The following PRTFDC1 variants were observed in gnomAD, a reference collection of about 807,000 sequenced individuals.
The protein encoded by PRTFDC1 is phosphoribosyl transferase domain containing 1, also known as phosphoribosyltransferase domain-containing protein 1.
A neutral mutation model predicts 34.6 loss-of-function variants in PRTFDC1; 38 were observed. The ratio of observed to expected loss-of-function variants is 1.10; its 90% CI spans 0.85 to 1.44. The LOEUF (loss-of-function observed/expected upper bound fraction) is 1.44, where lower values mean the gene tolerates loss of function less well. Ranked by LOEUF, PRTFDC1 falls within the 40% of genes most tolerant of loss-of-function variation. The pLI is 0.00. For synonymous variants in PRTFDC1, 93 were observed against 98.1 expected (o/e 0.95, Z 0.31); for missense variants, 270 against 283.0 (o/e 0.95, Z 0.33).
intron 3 of PRTFDC1, among the ~76,000 whole-genome samples, chr10:24,885,491 C>T (rs1435993908): frequency 4.6e-5 from 7 of 152,188 alleles, no homozygotes; most frequent in Non-Finnish European, 8.8e-5. Flanking sequence ...CAGCAACCTC[C>T]GCCTCCCAGG....
chr10:24,916,772 T>C (rs757766451), intron 3 of PRTFDC1, among the ~76,000 whole-genome samples: 4 of 152,194 alleles, frequency 2.6e-5, no homozygotes, highest in Non-Finnish European at 5.9e-5. Context: ...TTTTGTTTTA[T>C]TTTCAATTTC....
At position 24,851,279 on chromosome 10, in the gene PRTFDC1, A is replaced by G. The variant is rs577791570; in HGVS notation, c.630+109T>C. The G allele has an allele frequency of 2.0e-3, 2,886 of 1,450,648 alleles. 32 individuals carry two copies. The South Asian group carries it at 0.022, about 11-fold the overall frequency. 89.9% of individuals were successfully genotyped at this position (1,450,648 alleles called of 1,614,324 possible). On this transcript the variant is annotated intron_variant, in intron 8 of 8. Transcript: ENST00000320152. ...GCAATGTGCTCACCATACTCCTGAC[A>G]TAGAAGATACTCAATCAATAGCAGA...
chr10:24,910,784 C>T (rs1416474000), intron 3 of PRTFDC1, among the ~76,000 whole-genome samples: 1 of 152,054 alleles, frequency 6.6e-6, no homozygotes, highest in Non-Finnish European at 1.5e-5. Flanking sequence ...TTACTCATGA[C>T]TTTTCAGATT....
Position 24,910,332 on chromosome 10 carries a change from T to C in PRTFDC1, c.339+26852A>G, listed in dbSNP as rs972374467. 1.2e-4 allele frequency among the ~76,000 whole-genome samples: 19 copies of C among 152,166 alleles called. 1 individual carries two copies. Among genetic ancestry groups the C allele is most frequent in the Admixed American group, 1.0e-3 (16 of 15,280 alleles). ...GCATTGAAAACCAGGAAACCTAAGA[T>C]TGAATTCTCGTTTTAAAAGCTGGCC... is the stretch of plus-strand genomic sequence containing the variant. On this transcript the variant is annotated intron_variant, in intron 3 of 8. Transcript: ENST00000320152.
chr10:24,889,390 G>GGTATTT (rs1359444476), intron 3 of PRTFDC1, among the ~76,000 whole-genome samples: 1 of 152,072 alleles, frequency 6.6e-6, no homozygotes, highest in African/African-American at 2.4e-5. Flanking sequence ...CCCAGTCTAT[G>GGTATTT]GTATTTTGTT....
At chr10:24,912,274 A>AAG in intron 3 of PRTFDC1, among the ~76,000 whole-genome samples, 2 of 104,404 alleles carry the variant, frequency 1.9e-5, no homozygotes, top group African/African-American at 1.1e-4. Flanking sequence ...ATCTCAAAAA[A>AAG]AAAAAAAAAA....
At chr10:24,895,688 G>GATAGATAT (rs1555048844) in intron 3 of PRTFDC1, among the ~76,000 whole-genome samples, 21 of 47,412 alleles carry the variant, frequency 4.4e-4, no homozygotes, top group African/African-American at 6.4e-4. Context: ...AGCTGGGGTG[G>GATAGATAT]ATATATATAT....
chr10:24,951,467 G>T, intron 1 of PRTFDC1: 1 of 692,862 alleles, frequency 1.4e-6, no homozygotes, highest in Non-Finnish European at 1.8e-6. Context: ...GAAAGGTCCT[G>T]CTGTTAAATT....
At chr10:24,905,387 T>C (rs1444538438) in intron 3 of PRTFDC1, among the ~76,000 whole-genome samples, 1 of 147,696 alleles carries the variant, frequency 6.8e-6, no homozygotes, top group Non-Finnish European at 1.5e-5. Flanking sequence ...AGTGACACGA[T>C]CTCGGCTCAC....
In PRTFDC1 at chr10:24,937,314, A is replaced by C. The variant is rs748338239; in HGVS notation, c.209T>G (p.Met70Arg). 6.2e-7 allele frequency: 1 copy of C among 1,614,096 alleles called. No individual in the cohort carries two copies. The highest frequency in any genetic ancestry group is 8.5e-7 in the Non-Finnish European group (1 of 1,180,006). Residue 70 changes from methionine to arginine, a missense_variant, in exon 3 of 9, where the codon ATG becomes AGG. Physicochemically the swap from Met to Arg is moderately conservative, Grantham distance 91. Coordinates refer to ENST00000320152, the MANE Select transcript of PRTFDC1 (RefSeq NM_020200.7). Reference protein sequence around the residue: ...IMKDIGYSDIMVLCVLKGGYK... With the variant: ...IMKDIGYSDIRVLCVLKGGYK... ...ACCTCCTTTAAGCACACACAGGACCATGATGTCACTATATCCTATGTCTTT... is the reference window on the plus strand; with the variant it reads ...ACCTCCTTTAAGCACACACAGGACCCTGATGTCACTATATCCTATGTCTTT...
rs879788631 is a variant in PRTFDC1 at position 24,905,149 on chromosome 10, C to CA, written c.339+32034dup. 6.6e-3 allele frequency among the ~76,000 whole-genome samples: 846 copies of CA among 128,870 alleles called. 4 individuals are homozygous for CA. The highest frequency in any genetic ancestry group is 0.021 in the Middle Eastern group (5 of 242). The allele number at this position is 128,870 out of a possible 152,430, so 84.5% of individuals were successfully genotyped here. A position where few individuals can be genotyped will look rare whatever the true frequency, so the allele number is the denominator to read the frequency against. On this transcript the variant is annotated intron_variant, in intron 3 of 8. Coordinates refer to ENST00000320152, the MANE Select transcript of PRTFDC1 (RefSeq NM_020200.7). The stretch of plus-strand genomic sequence containing the variant: ...TGAAGACCCTTTGTGTCTAGAAGTA[C>CA]AAAAAAAAAAAAAATTAGCCAGGCA...
chr10:24,848,928 T>A lies in PRTFDC1; in HGVS notation c.*916A>T, dbSNP rs1588566844. On this transcript the variant is annotated 3_prime_UTR_variant, in exon 9 of 9. Coordinates refer to ENST00000320152, the MANE Select transcript of PRTFDC1 (RefSeq NM_020200.7). The stretch of plus-strand genomic sequence containing the variant: ...TGATCAGTCTTTTAAAGATATTTTT[T>A]AAAAAATTCAACCTCTGTCTTCACA... 6.6e-6 allele frequency: 1 copy of A among 152,230 alleles called. No homozygotes were observed. Among genetic ancestry groups the A allele is most frequent in the Non-Finnish European group, 1.5e-5 (1 of 68,038 alleles). The allele number at this position is 152,230 out of a possible 1,614,324, so 9.4% of individuals were successfully genotyped here.
At chr10:24,885,048 G>A (rs1335937246) in intron 3 of PRTFDC1, among the ~76,000 whole-genome samples, 1 of 152,204 alleles carries the variant, frequency 6.6e-6, no homozygotes, top group East Asian at 1.9e-4. Context: ...TGTCTGCCTG[G>A]GCTTGCAGCC....
At chr10:24,938,097 G>A (rs1029615813) in intron 2 of PRTFDC1, among the ~76,000 whole-genome samples, 3 of 151,518 alleles carry the variant, frequency 2.0e-5, no homozygotes, top group South Asian at 2.1e-4. Flanking sequence ...ATGGTGGCGG[G>A]TGCCTGTAAT....
At chr10:24,887,664 C>T (rs1848193829) in intron 3 of PRTFDC1, among the ~76,000 whole-genome samples, 1 of 152,152 alleles carries the variant, frequency 6.6e-6, no homozygotes, top group South Asian at 2.1e-4. Context: ...AATATACCCT[C>T]TATCCAGCAT....
At chr10:24,946,695 T>C (rs1168059855) in intron 1 of PRTFDC1, among the ~76,000 whole-genome samples, 1 of 152,262 alleles carries the variant, frequency 6.6e-6, no homozygotes, top group East Asian at 1.9e-4. Context: ...AAGACTCATA[T>C]CAGTTTCTGG....
intron 7 of PRTFDC1, among the ~76,000 whole-genome samples, chr10:24,851,836 A>G (rs1847495369): frequency 6.6e-6 from 1 of 151,712 alleles, no homozygotes; most frequent in Non-Finnish European, 1.5e-5. Flanking sequence ...TCTCAACAAC[A>G]CAAAGGAAAG....
At chr10:24,921,205 G>C (rs1848781975) in intron 3 of PRTFDC1, among the ~76,000 whole-genome samples, 1 of 152,146 alleles carries the variant, frequency 6.6e-6, no homozygotes, top group African/African-American at 2.4e-5. Flanking sequence ...TTTGTCCTAA[G>C]AAATTATCTT....
chr10:24,899,419 G>A (rs1848416994), intron 3 of PRTFDC1, among the ~76,000 whole-genome samples: 1 of 152,070 alleles, frequency 6.6e-6, no homozygotes, highest in Admixed American at 6.6e-5. Flanking sequence ...AACTGGATTG[G>A]GGTTATACGC....
Sources: gnomAD v4.1 joint callset for allele counts (sites outside exome capture counted in the v4.1 genomes callset) on GRCh38, gnomAD v4.1.1 for gene constraint, MANE v1.5 for transcripts, NCBI Gene and HGNC (gene_info 2026-07-23, HGNC 2026-07-21) for gene names.